Variants in MEOX2 observed in about 807,000 individuals in gnomAD.
MEOX2 encodes mesenchyme homeobox 2, also known as homeobox protein MOX-2.
In MEOX2, 11 loss-of-function variants were observed where a neutral mutation model predicts 27.0. The observed-to-expected ratio is 0.41, with a 90% CI of 0.26 to 0.68. MEOX2 has a LOEUF of 0.68. MEOX2 is among the 30% of genes least tolerant of loss of function. The pLI is 0.33. For synonymous variants in MEOX2, 189 were observed against 155.4 expected (o/e 1.22, Z -1.61); for missense variants, 436 against 385.4 (o/e 1.13, Z -1.10).
At chr7:15,653,682 GT>G (rs1448038040) in intron 1 of MEOX2, among the ~76,000 whole-genome samples, 1 of 151,892 alleles carries the variant, frequency 6.6e-6, no homozygotes, top group Non-Finnish European at 1.5e-5. Flanking sequence ...GATCAAGATT[GT>G]TTTTTACCTA....
chr7:15,680,922 T>C (rs1003817697), intron 1 of MEOX2: 4 of 151,752 alleles, frequency 2.6e-5, no homozygotes, highest in Non-Finnish European at 5.9e-5. Context: ...GGAAATACAA[T>C]GTAACTGGCC....
intron 1 of MEOX2, among the ~76,000 whole-genome samples, chr7:15,665,041 TCACACACACA>T (rs35772927): frequency 0.2 from 27,841 of 141,198 alleles, 3,175 homozygotes; most frequent in East Asian, 0.3. Flanking sequence ...TAAGTGGACA[TCACACACACA>T]CACACACACA....
At chr7:15,635,729 T>C (rs925318612) in intron 1 of MEOX2, among the ~76,000 whole-genome samples, 1 of 152,036 alleles carries the variant, frequency 6.6e-6, no homozygotes, top group African/African-American at 2.4e-5. Context: ...TCTAAGAATT[T>C]AGGAATTTAC....
rs148217577 is a variant in MEOX2, at chr7:15,638,609, G to C, written c.518-11691C>G. ...ACCCATCACCTAAATAGTGAACATG[G>C]TAGTATTTTTTACCCTCTCCTCCTT... On this transcript the variant is annotated intron_variant, in intron 1 of 2. Transcript: ENST00000262041. Among the ~76,000 whole-genome samples, 400 of 152,082 alleles carry C rather than the reference G, an allele frequency of 2.6e-3. 1 individual carries two copies. Among genetic ancestry groups the C allele is most frequent in the African/African-American group, 9.0e-3 (372 of 41,518 alleles).
chr7:15,683,297 T>G (rs1363617871), intron 1 of MEOX2, among the ~76,000 whole-genome samples: 2 of 152,028 alleles, frequency 1.3e-5, no homozygotes, highest in Admixed American at 6.5e-5. Flanking sequence ...CCTGGATTTA[T>G]GTACTGAATT....
At chr7:15,613,656 A>G (rs1284819284) in intron 2 of MEOX2, among the ~76,000 whole-genome samples, 1 of 152,126 alleles carries the variant, frequency 6.6e-6, no homozygotes, top group Non-Finnish European at 1.5e-5. Flanking sequence ...AACAAGTAAT[A>G]TTAAAACTAT....
intron 1 of MEOX2, among the ~76,000 whole-genome samples, chr7:15,640,496 T>C (rs949359992): frequency 6.6e-6 from 1 of 152,176 alleles, no homozygotes; most frequent in African/African-American, 2.4e-5. Context: ...GACTTCCTTG[T>C]TTCAAATTTG....
chr7:15,680,211 T>TA (rs1782270541), intron 1 of MEOX2: 1 of 151,918 alleles, frequency 6.6e-6, no homozygotes. Flanking sequence ...TAAATGAAAA[T>TA]ACTTATTCTG....
At chr7:15,676,625 C>T (rs1041107405) in intron 1 of MEOX2, among the ~76,000 whole-genome samples, 1 of 152,094 alleles carries the variant, frequency 6.6e-6, no homozygotes, top group African/African-American at 2.4e-5. Flanking sequence ...AATCCCAGCA[C>T]TTTGAGAGGC....
intron 1 of MEOX2, chr7:15,680,206 GAAA>G (rs1289313552): frequency 6.6e-6 from 1 of 151,770 alleles, no homozygotes; most frequent in African/African-American, 2.4e-5. Context: ...GATTTTAAAT[GAAA>G]ATACTTATTC....
chr7:15,657,876 G>C (rs894356149), intron 1 of MEOX2, among the ~76,000 whole-genome samples: 3 of 152,180 alleles, frequency 2.0e-5, no homozygotes, highest in African/African-American at 7.2e-5. Flanking sequence ...TGCTGTGATA[G>C]TGAGGGAATG....
chr7:15,614,624 T>A (rs1223981076), intron 2 of MEOX2, among the ~76,000 whole-genome samples: 1 of 152,206 alleles, frequency 6.6e-6, no homozygotes, highest in Non-Finnish European at 1.5e-5. Context: ...ATGCATAGCT[T>A]TATTGCTGTA....
intron 1 of MEOX2, among the ~76,000 whole-genome samples, chr7:15,663,506 T>C: frequency 1.6e-5 from 1 of 63,102 alleles, no homozygotes; most frequent in African/African-American, 5.3e-5. Flanking sequence ...CTAATTTTTG[T>C]ATTTTTTTTT....
At chr7:15,663,013 G>A (rs976912867) in intron 1 of MEOX2, among the ~76,000 whole-genome samples, 1 of 152,088 alleles carries the variant, frequency 6.6e-6, no homozygotes, top group East Asian at 1.9e-4. Context: ...AAGGATGTAA[G>A]TAGCATGAAA....
chr7:15,614,511 A>C (rs1373357378), intron 2 of MEOX2, among the ~76,000 whole-genome samples: 9 of 152,140 alleles, frequency 5.9e-5, no homozygotes, highest in African/African-American at 2.2e-4. Context: ...ACTTTACTTT[A>C]TTTTAAATGG....
At position 15,626,824 on chromosome 7, in the gene MEOX2, T is replaced by C; in HGVS notation, c.612A>G (p.Ala204=). ...TGAGATAATTATGATGGGCAAATTCTGCTTCAAGTTCTCTGATTTGCTCTT... is the reference window on the plus strand; with the variant it reads ...TGAGATAATTATGATGGGCAAATTCCGCTTCAAGTTCTCTGATTTGCTCTT... ...FTKEQIRELE[A]EFAHHNYLTR... Residue 204 remains alanine (A), a synonymous_variant, in exon 2 of 3, where the codon GCA becomes GCG. Transcript: ENST00000262041. The C allele has an allele frequency of 6.2e-7, 1 of 1,611,584 alleles. No individual in the cohort carries two copies. The highest frequency in any genetic ancestry group is 1.7e-5 in the Admixed American group (1 of 59,562).
intron 1 of MEOX2, among the ~76,000 whole-genome samples, chr7:15,634,071 C>T (rs938432450): frequency 1.6e-4 from 25 of 151,794 alleles, no homozygotes; most frequent in Admixed American, 5.3e-4. Flanking sequence ...ATATTTATAA[C>T]GATATCTCCA....
chr7:15,637,991 C>T (rs547491676), intron 1 of MEOX2, among the ~76,000 whole-genome samples: 1 of 152,008 alleles, frequency 6.6e-6, no homozygotes, highest in East Asian at 1.9e-4. Flanking sequence ...ATTTATTAGC[C>T]TTTTCTAAGT....
At chr7:15,624,967 A>C (rs1781276916) in intron 2 of MEOX2, among the ~76,000 whole-genome samples, 1 of 152,182 alleles carries the variant, frequency 6.6e-6, no homozygotes, top group African/African-American at 2.4e-5. Flanking sequence ...AGATTTACAA[A>C]ACTGCTTCTA....
Sources: gnomAD v4.1 joint callset for allele counts (sites outside exome capture counted in the v4.1 genomes callset) on GRCh38, gnomAD v4.1.1 for gene constraint, MANE v1.5 for transcripts, NCBI Gene and HGNC (gene_info 2026-07-23, HGNC 2026-07-21) for gene names.